The following ECE1 variants were observed in gnomAD, a reference collection of about 807,000 sequenced individuals.
ECE1 encodes the protein endothelin converting enzyme 1.
ECE1 carries 35 observed loss-of-function variants against 98.6 expected under a neutral mutation model. The ratio of observed to expected loss-of-function variants is 0.35; its 90% CI spans 0.27 to 0.47. The LOEUF is 0.47. Among genes scored for constraint, ECE1 ranks in the 20% least tolerant of loss-of-function variants. The pLI is 1.00. For synonymous variants in ECE1, 394 were observed against 407.1 expected, an observed-to-expected ratio of 0.97 and a Z score of 0.39; for missense variants, 814 against 1,025.3, an observed-to-expected ratio of 0.79 and a Z score of 2.81.
intron 2 of ECE1, among the ~76,000 whole-genome samples, chr1:21,286,403 G>A (rs1319866398): frequency 6.6e-6 from 1 of 152,202 alleles, no homozygotes; most frequent in African/African-American, 2.4e-5. Context: ...TATCCAAAAT[G>A]CTTTCCCTCA....
intron 2 of ECE1, among the ~76,000 whole-genome samples, chr1:21,283,407 A>C (rs1047058738): frequency 2.6e-5 from 4 of 151,732 alleles, no homozygotes; most frequent in African/African-American, 9.7e-5. Context: ...AGTAGCTGGG[A>C]TTACAGGTGT....
intron 14 of ECE1, among the ~76,000 whole-genome samples, chr1:21,232,384 G>A (rs9426667): frequency 0.03 from 4,509 of 150,870 alleles, 202 homozygotes; most frequent in African/African-American, 0.1. Flanking sequence ...CTGCAGCTTC[G>A]ACCTCCTGGG....
Position 21,240,136 on chromosome 1 carries a change from A to C in ECE1, c.1279-1892T>G, listed in dbSNP as rs556376232. ...CAGTGAGCCAAGATCAGGCCACTGCACTCCAGCCTGGGTGACAGAGCGAGA... is the reference window on the plus strand; with the variant it reads ...CAGTGAGCCAAGATCAGGCCACTGCCCTCCAGCCTGGGTGACAGAGCGAGA... On this transcript the variant is annotated intron_variant, in intron 10 of 18. Coordinates refer to ENST00000374893, the MANE Select transcript of ECE1 (RefSeq NM_001397.3). Among the ~76,000 whole-genome samples, 4 of 152,196 alleles carry C rather than the reference A, an allele frequency of 2.6e-5. No homozygotes were observed. The South Asian group carries it at 6.2e-4, about 24-fold the overall frequency.
intron 10 of ECE1, among the ~76,000 whole-genome samples, chr1:21,240,464 G>A (rs2098194664): frequency 6.6e-6 from 1 of 152,174 alleles, no homozygotes; most frequent in Admixed American, 6.5e-5. Context: ...TCCAGCCTGG[G>A]TGACAGAATA....
chr1:21,234,625 C>T (rs1332911073), intron 13 of ECE1, among the ~76,000 whole-genome samples: 1 of 152,078 alleles, frequency 6.6e-6, no homozygotes, highest in Non-Finnish European at 1.5e-5. Flanking sequence ...ACTATAGGCA[C>T]ATGCCAACAT....
At chr1:21,268,364 GA>G (rs140924119) in intron 4 of ECE1, among the ~76,000 whole-genome samples, 1,536 of 152,338 alleles carry the variant, frequency 0.01, 24 homozygotes, top group African/African-American at 0.025. Flanking sequence ...CCACTTGGGG[GA>G]GTGGCAGAGT....
intron 1 of ECE1, among the ~76,000 whole-genome samples, chr1:21,313,566 G>A (rs568870891): frequency 5.9e-5 from 9 of 152,128 alleles, no homozygotes; most frequent in Non-Finnish European, 1.3e-4. Flanking sequence ...AGGTGGGAGT[G>A]GGGGAGCAGG....
intron 8 of ECE1, among the ~76,000 whole-genome samples, chr1:21,248,855 C>T (rs1439096990): frequency 1.3e-5 from 2 of 151,450 alleles, no homozygotes; most frequent in African/African-American, 2.4e-5. Flanking sequence ...GAACTCCTGA[C>T]CTCATGATCT....
chr1:21,270,940 G>A (rs2098239502), intron 4 of ECE1, among the ~76,000 whole-genome samples: 1 of 152,240 alleles, frequency 6.6e-6, no homozygotes, highest in Non-Finnish European at 1.5e-5. Flanking sequence ...GCCCCCAGCT[G>A]TGATGTTAGG....
At chr1:21,279,541 CAG>C (rs1279263348) in intron 2 of ECE1, 31 of 1,452,680 alleles carry the variant, frequency 2.1e-5, no homozygotes, top group Admixed American at 1.4e-4. Flanking sequence ...TCCCAAACAT[CAG>C]AGAGTCAAGC....
intron 8 of ECE1, among the ~76,000 whole-genome samples, chr1:21,249,879 T>G (rs1207907774): frequency 7.2e-5 from 11 of 151,816 alleles, no homozygotes; most frequent in Admixed American, 7.2e-4. Context: ...GTTCAAGTGA[T>G]TCTCCTGTCC....
At chr1:21,272,303 G>A (rs1245238727) in intron 4 of ECE1, among the ~76,000 whole-genome samples, 1 of 152,028 alleles carries the variant, frequency 6.6e-6, no homozygotes. Context: ...CTCTTTTCTT[G>A]TTTTTTAGAC....
At chr1:21,244,223 TG>T (rs1024110550) in intron 10 of ECE1, among the ~76,000 whole-genome samples, 5 of 152,142 alleles carry the variant, frequency 3.3e-5, no homozygotes, top group Non-Finnish European at 7.4e-5. Flanking sequence ...AGCCACTCTC[TG>T]GGGCCCGAGC....
At chr1:21,229,723 G>A (rs925449243) in intron 14 of ECE1, among the ~76,000 whole-genome samples, 1 of 152,086 alleles carries the variant, frequency 6.6e-6, no homozygotes. Flanking sequence ...TTTTGCTATT[G>A]TATATTGGAA....
chr1:21,248,012 G>A (rs976211811), intron 8 of ECE1, among the ~76,000 whole-genome samples: 1 of 152,212 alleles, frequency 6.6e-6, no homozygotes, highest in Non-Finnish European at 1.5e-5. Context: ...ACTTCTACAT[G>A]ATTGGTAAAT....
Position 21,307,517 on chromosome 1 carries a change from G to C in ECE1, c.4-17361C>G, listed in dbSNP as rs979113877. Reference sequence around the variant, plus strand: ...GCACATATTAAGTATTTCATAAAAAGCAAGTTTTAAACATGATCACTACAG... The same window carrying C: ...GCACATATTAAGTATTTCATAAAAACCAAGTTTTAAACATGATCACTACAG... On this transcript the variant is annotated intron_variant, in intron 1 of 18. Transcript: ENST00000415912. This position sits in a 1 kb window ranked among gnomAD's most constrained non-coding sequence, Gnocchi z 4.2. Among the ~76,000 whole-genome samples the C allele has an allele frequency of 1.3e-5, 2 of 152,158 alleles. No homozygotes were observed. The highest frequency in any genetic ancestry group is 4.8e-5 in the African/African-American group (2 of 41,430).
chr1:21,231,772 C>A (rs1270521303), intron 14 of ECE1, among the ~76,000 whole-genome samples: 1 of 152,148 alleles, frequency 6.6e-6, no homozygotes, highest in Non-Finnish European at 1.5e-5. Flanking sequence ...GCTACCACGT[C>A]CAGCTAATTT....
Position 21,322,557 on chromosome 1 carries a change from C to A in ECE1, c.3+22819G>T, listed in dbSNP as rs1008893937. Among the ~76,000 whole-genome samples, 2 of 152,156 alleles carry A rather than the reference C, an allele frequency of 1.3e-5. No homozygotes were observed. The highest frequency in any genetic ancestry group is 4.8e-5 in the African/African-American group (2 of 41,436). ...CCCCACATGTGTCACACTCCAGGGCCCCAGGCCTGTGACCAAAATGGCAGT... is the reference window on the plus strand; with the variant it reads ...CCCCACATGTGTCACACTCCAGGGCACCAGGCCTGTGACCAAAATGGCAGT... On this transcript the variant is annotated intron_variant, in intron 1 of 18. Transcript: ENST00000415912. The surrounding 1 kb of genome is among the most constrained non-coding windows in gnomAD (Gnocchi z 4.1).
chr1:21,268,669 G>A (rs2098236889), intron 4 of ECE1, among the ~76,000 whole-genome samples: 1 of 152,256 alleles, frequency 6.6e-6, no homozygotes, highest in Admixed American at 6.5e-5. Context: ...CGCCTCAGCA[G>A]GTCAGAGTGG....
Sources: allele counts gnomAD v4.1 joint callset (sites outside exome capture counted in the v4.1 genomes callset), GRCh38; gene constraint gnomAD v4.1.1; non-coding constraint Gnocchi (gnomAD v3.1); transcripts MANE v1.5; gene names NCBI Gene and HGNC (gene_info 2026-07-23, HGNC 2026-07-21).